Variants in DENND2A observed in about 807,000 individuals in gnomAD.
DENND2A encodes the protein DENN domain-containing protein 2A.
Under a neutral mutation model 105.3 loss-of-function variants are expected in DENND2A, and 53 were observed. That is an observed-to-expected ratio of 0.50 (90% CI 0.40 to 0.63). The LOEUF (loss-of-function observed/expected upper bound fraction) is 0.63, where lower values mean the gene tolerates loss of function less well. Among genes scored for constraint, DENND2A ranks in the 30% least tolerant of loss-of-function variants. DENND2A has a pLI of 0.00. For synonymous variants in DENND2A, 522 were observed against 508.4 expected (o/e 1.03, Z -0.36); for missense variants, 1,138 against 1,279.6 (o/e 0.89, Z 1.69).
At chr7:140,619,842 T>G (rs1800215671) in intron 1 of DENND2A, among the ~76,000 whole-genome samples, 1 of 151,862 alleles carries the variant, frequency 6.6e-6, no homozygotes, top group Non-Finnish European at 1.5e-5. Context: ...ACTATACACT[T>G]TAAATGGGTG....
rs78619086 is a variant in DENND2A, at chr7:140,631,173, G to A, written c.-248+9331C>T. Among the ~76,000 whole-genome samples the A allele has an allele frequency of 8.9e-3, 1,353 of 152,270 alleles. 15 individuals carry two copies. The highest frequency in any genetic ancestry group is 0.012 in the Non-Finnish European group (808 of 68,026). ...TGAGAACAGGGAACTGGCCACAGAC[G>A]AACCATTAGTAACCTAAGATATGGT... On this transcript the variant is annotated intron_variant, in intron 1 of 19. Transcript: ENST00000496613.
At chr7:140,540,467 G>C (rs1796618360) in intron 14 of DENND2A, among the ~76,000 whole-genome samples, 1 of 152,236 alleles carries the variant, frequency 6.6e-6, no homozygotes, top group South Asian at 2.1e-4. Flanking sequence ...ACTGGTGACT[G>C]TCTCCTCTGT....
In DENND2A at chr7:140,601,628, G is replaced by C. The variant is rs748993429; in HGVS notation, c.770C>G (p.Ser257Cys). 6.2e-7 allele frequency: 1 copy of C among 1,613,180 alleles called. No individual in the cohort carries two copies. The highest frequency in any genetic ancestry group is 8.5e-7 in the Non-Finnish European group (1 of 1,179,488). The stretch of plus-strand genomic sequence containing the variant: ...AGGGTTGATGAAGGGCTTTGTGGGG[G>C]AACCCTCCGAGCCCCTATACACGTT... Reference protein sequence around the residue: ...LENVYRGSEGSPTKPFINPLP... With the variant: ...LENVYRGSEGCPTKPFINPLP... The change falls in exon 3 of 20, where the codon TCC (serine) becomes TGC (cysteine). Residue 257 changes from serine to cysteine, a missense_variant. Physicochemically the swap from Ser to Cys is moderately radical, Grantham distance 112 (BLOSUM62 -1). Transcript: ENST00000496613.
At chr7:140,593,400 G>C (rs1799143893) in intron 3 of DENND2A, among the ~76,000 whole-genome samples, 1 of 152,188 alleles carries the variant, frequency 6.6e-6, no homozygotes, top group Non-Finnish European at 1.5e-5. Context: ...TGAGCTGGTT[G>C]TTCCAAAGAA....
chr7:140,563,740 G>A (rs1585641518), intron 9 of DENND2A, among the ~76,000 whole-genome samples: 2 of 145,824 alleles, frequency 1.4e-5, no homozygotes, highest in South Asian at 2.2e-4. Context: ...TTGGAAGGCC[G>A]AGGTAGGGAG....
rs1443711661 is a variant in DENND2A at position 140,527,391 on chromosome 7, C to T, written c.2432G>A (p.Cys811Tyr). Residue 811 changes from cysteine to tyrosine, a missense_variant, in exon 15 of 20, where the codon TGC becomes TAC. By Grantham distance (194) the Cys-to-Tyr change is radical. Transcript: ENST00000496613. This position sits in a 1 kb window ranked among gnomAD's most constrained non-coding sequence, Gnocchi z 4.9. Reference sequence around the variant, plus strand: ...CCCGATGAGGAAGGGCGTCGGCGAGCACACGATGTCGACCATGGCGGGTGG... The same window carrying T: ...CCCGATGAGGAAGGGCGTCGGCGAGTACACGATGTCGACCATGGCGGGTGG... ...VLPPAMVDIV[C>Y]SPTPFLIGLL... is the part of the protein sequence containing the mutation. 2 of 1,608,814 alleles carry T rather than the reference C, an allele frequency of 1.2e-6. No homozygotes were observed. The highest frequency in any genetic ancestry group is 1.7e-6 in the Non-Finnish European group (2 of 1,178,636).
In DENND2A at chr7:140,519,626, C is replaced by T. The variant is rs751868425; in HGVS notation, c.2998+6G>A. 9.7e-5 allele frequency: 156 copies of T among 1,613,594 alleles called. No individual in the cohort carries two copies. The highest frequency in any genetic ancestry group is 3.3e-4 in the Middle Eastern group (2 of 6,016). ...CAGGCTGGGCACCCAGAGCCCGGGG[C>T]CTTACCTAGTCCCTTCAGGAACTTA... On this transcript the variant is annotated splice_donor_region_variant and intron_variant, in intron 19 of 19. Coordinates refer to ENST00000496613, the MANE Select transcript of DENND2A (RefSeq NM_015689.5).
rs555692357 is a variant in DENND2A at position 140,581,674 on chromosome 7, C to T, written c.1245+3915G>A. On this transcript the variant is annotated intron_variant, in intron 5 of 19. Transcript: ENST00000496613. ...CAGCAGACACCCAGATGTGGATGAG[C>T]AGAATAATGAGCACGGACACCGTGT... Among the ~76,000 whole-genome samples, 95 of 152,310 alleles carry T rather than the reference C, an allele frequency of 6.2e-4. 1 individual carries two copies. The South Asian group carries it at 0.019, about 30-fold the overall frequency.
intron 1 of DENND2A, among the ~76,000 whole-genome samples, chr7:140,632,322 A>C (rs554248273): frequency 6.6e-6 from 1 of 152,236 alleles, no homozygotes; most frequent in South Asian, 2.1e-4. Flanking sequence ...TGGACTACCC[A>C]CCTGGCTTCC....
At chr7:140,569,616 G>A (rs747001028) in intron 7 of DENND2A, 29 bp downstream of exon 7, 22 of 1,454,420 alleles carry the variant, frequency 1.5e-5, no homozygotes, top group Middle Eastern at 1.7e-4. Flanking sequence ...CGATTCTTGC[G>A]GGAGGAGGGC....
intron 1 of DENND2A, among the ~76,000 whole-genome samples, chr7:140,623,540 C>T (rs533261245): frequency 2.0e-5 from 3 of 151,150 alleles, no homozygotes; most frequent in South Asian, 2.1e-4. Context: ...CCAGCCTGGC[C>T]AACATGGTGA....
rs74833407 is a variant in DENND2A, at chr7:140,618,859, A to G, written c.-247-13053T>C. ...TGCTCTGTCGCTTAGGCTGGAGTGCAGTGGCACAATCTCACTGCAAGCTCT... is the reference window on the plus strand; with the variant it reads ...TGCTCTGTCGCTTAGGCTGGAGTGCGGTGGCACAATCTCACTGCAAGCTCT... On this transcript the variant is annotated intron_variant, in intron 1 of 19. Coordinates refer to ENST00000496613, the MANE Select transcript of DENND2A (RefSeq NM_015689.5). Among the ~76,000 whole-genome samples the G allele has an allele frequency of 1.6e-3, 238 of 151,504 alleles. 1 individual carries two copies. Among genetic ancestry groups the G allele is most frequent in the Middle Eastern group, 0.01 (3 of 292 alleles).
rs1795922158 is a variant in DENND2A, at chr7:140,523,119, G to A, written c.2665+188C>T. 6.6e-6 allele frequency among the ~76,000 whole-genome samples: 1 copy of A among 152,168 alleles called. No homozygotes were observed. Among genetic ancestry groups the A allele is most frequent in the South Asian group, 2.1e-4 (1 of 4,834 alleles). On this transcript the variant is annotated intron_variant, in intron 17 of 19. Coordinates refer to ENST00000496613, the MANE Select transcript of DENND2A (RefSeq NM_015689.5). This position sits in a 1 kb window ranked among gnomAD's most constrained non-coding sequence, Gnocchi z 4.5. ...AACAGGTACTTTAAGGCCAAAATGG[G>A]GGAGGTGGGAAAATCTTTCCCACAA...
intron 14 of DENND2A, among the ~76,000 whole-genome samples, chr7:140,533,128 A>C (rs1796326081): frequency 6.6e-6 from 1 of 151,398 alleles, no homozygotes; most frequent in African/African-American, 2.4e-5. Flanking sequence ...AGCAGCTGGG[A>C]CTACAGGTGT....
chr7:140,554,897 C>T (rs184701109), intron 12 of DENND2A, among the ~76,000 whole-genome samples: 222 of 152,220 alleles, frequency 1.5e-3, no homozygotes, highest in Non-Finnish European at 2.0e-3. Context: ...AATTAATCCC[C>T]CCTCCACAAA....
At chr7:140,564,561 G>T (rs1797759403) in intron 9 of DENND2A, among the ~76,000 whole-genome samples, 2 of 152,132 alleles carry the variant, frequency 1.3e-5, no homozygotes, top group Admixed American at 1.3e-4. Context: ...GGAAGAAAAA[G>T]AAAATGTTAA....
chr7:140,537,415 C>T (rs1199847942), intron 14 of DENND2A, among the ~76,000 whole-genome samples: 2 of 152,188 alleles, frequency 1.3e-5, no homozygotes. Context: ...TGGTTTAACG[C>T]ACTACAAACA....
In DENND2A at chr7:140,607,781, C is replaced by T. The variant is rs148972545; in HGVS notation, c.-247-1975G>A. Among the ~76,000 whole-genome samples, 135 of 152,272 alleles carry T rather than the reference C, an allele frequency of 8.9e-4. 1 individual carries two copies. Among genetic ancestry groups the T allele is most frequent in the African/African-American group, 3.2e-3 (131 of 41,544 alleles). ...CAGCCCCTCCCCACCACCGCCACCA[C>T]CCTCCACACAGACCAAACCCACAAG... On this transcript the variant is annotated intron_variant, in intron 1 of 19. Coordinates refer to ENST00000496613, the MANE Select transcript of DENND2A (RefSeq NM_015689.5).
chr7:140,536,773 C>T (rs1014242528), intron 14 of DENND2A, among the ~76,000 whole-genome samples: 1 of 152,144 alleles, frequency 6.6e-6, no homozygotes, highest in Non-Finnish European at 1.5e-5. Context: ...AGTGATTCTC[C>T]TGCCTCAGCC....
Sources: gnomAD v4.1 joint callset for allele counts (sites outside exome capture counted in the v4.1 genomes callset) on GRCh38, gnomAD v4.1.1 for gene constraint, Gnocchi (gnomAD v3.1) non-coding constraint, MANE v1.5 for transcripts, NCBI Gene and HGNC (gene_info 2026-07-23, HGNC 2026-07-21) for gene names.